Variants in ZFAND3 observed in about 807,000 individuals in gnomAD.
ZFAND3 encodes zinc finger AN1-type containing 3.
A neutral mutation model predicts 29.6 loss-of-function variants in ZFAND3; 10 were observed. The ratio of observed to expected loss-of-function variants is 0.34; its 90% CI spans 0.21 to 0.57. The LOEUF (loss-of-function observed/expected upper bound fraction) is 0.57. Ranked by LOEUF, ZFAND3 falls within the 20% of genes least tolerant of loss-of-function variation. The pLI is 0.86. For synonymous variants in ZFAND3, 128 were observed against 112.6 expected, an observed-to-expected ratio of 1.14 and a Z score of -0.87; for missense variants, 230 against 304.5, an observed-to-expected ratio of 0.76 and a Z score of 1.82.
At chr6:37,862,565 G>A (rs1764512185) in intron 1 of ZFAND3, among the ~76,000 whole-genome samples, 1 of 151,570 alleles carries the variant, frequency 6.6e-6, no homozygotes, top group Non-Finnish European at 1.5e-5. Flanking sequence ...TTGCCTATAG[G>A]CTCAGCTACT....
intron 2 of ZFAND3, among the ~76,000 whole-genome samples, chr6:37,930,573 TC>T (rs1042049242): frequency 3.3e-5 from 5 of 152,248 alleles, no homozygotes; most frequent in African/African-American, 1.2e-4. Context: ...TCAAATCACC[TC>T]GGGTAAGTCA....
chr6:37,962,339 A>G (rs540683725), intron 2 of ZFAND3, among the ~76,000 whole-genome samples: 14 of 152,364 alleles, frequency 9.2e-5, no homozygotes, highest in African/African-American at 7.2e-5. Flanking sequence ...AAGCATGCCT[A>G]CAGGATCTAG....
chr6:37,934,684 A>G (rs1015857021), intron 2 of ZFAND3, among the ~76,000 whole-genome samples: 2 of 151,712 alleles, frequency 1.3e-5, no homozygotes, highest in South Asian at 4.2e-4. Flanking sequence ...TAAAAATACA[A>G]AAAAATTAGC....
At chr6:38,000,793 G>A (rs1470839647) in intron 2 of ZFAND3, among the ~76,000 whole-genome samples, 1 of 152,128 alleles carries the variant, frequency 6.6e-6, no homozygotes, top group Non-Finnish European at 1.5e-5. Context: ...CAGACCAACA[G>A]CCATAACTCA....
intron 4 of ZFAND3, among the ~76,000 whole-genome samples, chr6:38,098,472 T>C (rs1765026660): frequency 1.3e-5 from 2 of 151,058 alleles, no homozygotes; most frequent in Admixed American, 6.6e-5. Flanking sequence ...TCTAAATGAA[T>C]GTTGTAAGAA....
chr6:38,054,398 T>TAA (rs201113788), intron 2 of ZFAND3, among the ~76,000 whole-genome samples: 72 of 124,110 alleles, frequency 5.8e-4, no homozygotes, highest in Middle Eastern at 4.1e-3. Context: ...TGTCTCAAAT[T>TAA]AAAAAAAAAA....
chr6:38,145,493 T>C (rs570706509), intron 5 of ZFAND3, among the ~76,000 whole-genome samples: 1 of 152,346 alleles, frequency 6.6e-6, no homozygotes, highest in African/African-American at 2.4e-5. Context: ...TCTCAAAACA[T>C]CCACTCCTCC....
At chr6:38,037,113 T>C (rs543629012) in intron 2 of ZFAND3, among the ~76,000 whole-genome samples, 2 of 152,348 alleles carry the variant, frequency 1.3e-5, no homozygotes, top group African/African-American at 4.8e-5. Flanking sequence ...CTCAACACAT[T>C]CTTTGAGCTA....
At chr6:37,891,112 C>T (rs1373898387) in intron 1 of ZFAND3, among the ~76,000 whole-genome samples, 1 of 152,194 alleles carries the variant, frequency 6.6e-6, no homozygotes, top group Non-Finnish European at 1.5e-5. Flanking sequence ...TATCCACTTG[C>T]TGTCTAAAAT....
intron 1 of ZFAND3, among the ~76,000 whole-genome samples, chr6:37,924,008 A>AG (rs1287120385): frequency 3.9e-5 from 6 of 152,044 alleles, no homozygotes; most frequent in African/African-American, 1.2e-4. Flanking sequence ...ATTCTGTTCA[A>AG]GGGGTATGTA....
intron 1 of ZFAND3, among the ~76,000 whole-genome samples, chr6:37,908,673 C>T (rs1170694509): frequency 6.6e-6 from 1 of 150,804 alleles, no homozygotes; most frequent in African/African-American, 2.4e-5. Flanking sequence ...CACTACCTTG[C>T]CCTACACATC....
chr6:37,827,162 C>G (rs1489327068), intron 1 of ZFAND3, among the ~76,000 whole-genome samples: 1 of 152,180 alleles, frequency 6.6e-6, no homozygotes, highest in Non-Finnish European at 1.5e-5. Context: ...AGAAGCAATG[C>G]TATTGTTAAT....
intron 2 of ZFAND3, among the ~76,000 whole-genome samples, chr6:37,954,561 G>C (rs1041357945): frequency 6.6e-6 from 1 of 152,016 alleles, no homozygotes; most frequent in Non-Finnish European, 1.5e-5. Flanking sequence ...TTTGCACACA[G>C]AATATAGTTA....
chr6:38,066,766 A>G (rs1171653551), intron 3 of ZFAND3, among the ~76,000 whole-genome samples: 4 of 152,244 alleles, frequency 2.6e-5, no homozygotes, highest in African/African-American at 9.6e-5. Context: ...GACTGCAGAT[A>G]GAGCAATAAC....
intron 5 of ZFAND3, among the ~76,000 whole-genome samples, chr6:38,135,302 G>A (rs1401786321): frequency 6.6e-6 from 1 of 152,194 alleles, no homozygotes; most frequent in Non-Finnish European, 1.5e-5. Context: ...GAAAAAGGTG[G>A]ATGTGTTAGC....
chr6:38,069,659 T>G (rs1764414217), intron 3 of ZFAND3, among the ~76,000 whole-genome samples: 1 of 152,216 alleles, frequency 6.6e-6, no homozygotes, highest in Non-Finnish European at 1.5e-5. Flanking sequence ...TATATTGAAG[T>G]GAAGAGCCAT....
rs369169427 is a variant in ZFAND3, at chr6:37,920,738, A to C, written c.72-9221A>C. Among the ~76,000 whole-genome samples the C allele has an allele frequency of 4.6e-5, 7 of 152,338 alleles. No individual in the cohort carries two copies. In the East Asian group the frequency reaches 1.2e-3, roughly 25 times the overall value. On this transcript the variant is annotated intron_variant, in intron 1 of 5. Coordinates refer to ENST00000287218, the MANE Select transcript of ZFAND3 (RefSeq NM_021943.3). The stretch of plus-strand genomic sequence containing the variant: ...CATTGTAATATTTCCTTAAAAAGAA[A>C]ATTTGCAGACATGGTCTGAATGATT...
intron 2 of ZFAND3, among the ~76,000 whole-genome samples, chr6:38,007,205 CCTT>C (rs1347226659): frequency 1.3e-5 from 2 of 151,978 alleles, no homozygotes; most frequent in East Asian, 1.9e-4. Flanking sequence ...CTGATATTGT[CCTT>C]CTCATTTAAC....
chr6:38,101,979 C>A (rs1217315691), intron 4 of ZFAND3, among the ~76,000 whole-genome samples: 3 of 151,912 alleles, frequency 2.0e-5, no homozygotes, highest in African/African-American at 7.3e-5. Flanking sequence ...CAAACATTTC[C>A]CCCTTACATT....
Sources: gnomAD v4.1 joint callset for allele counts (sites outside exome capture counted in the v4.1 genomes callset) on GRCh38, gnomAD v4.1.1 for gene constraint, MANE v1.5 for transcripts, NCBI Gene and HGNC (gene_info 2026-07-23, HGNC 2026-07-21) for gene names.